The following SHANK2 variants were observed in gnomAD, a reference collection of about 807,000 sequenced individuals.
SHANK2 encodes SH3 and multiple ankyrin repeat domains protein 2.
SHANK2 carries 43 observed loss-of-function variants against 133.7 expected under a neutral mutation model. The ratio of observed to expected loss-of-function variants is 0.32; its 90% confidence interval spans 0.25 to 0.41. The LOEUF (loss-of-function observed/expected upper bound fraction) is 0.41, where lower values mean the gene tolerates loss of function less well. SHANK2 is among the 10% of genes least tolerant of loss of function. The pLI is 1.00. For synonymous variants in SHANK2, 1,017 were observed against 952.8 expected, an observed-to-expected ratio of 1.07 and a Z score of -1.24; for missense variants, 1,994 against 2,235.8, an observed-to-expected ratio of 0.89 and a Z score of 2.18.
chr11:70,654,881 C>A (rs1160479550), intron 17 of SHANK2, among the ~76,000 whole-genome samples: 3 of 151,868 alleles, frequency 2.0e-5, no homozygotes, highest in Non-Finnish European at 4.4e-5. Flanking sequence ...GATTCTCCTG[C>A]CTCAGCCTCC....
chr11:70,481,132 C>A (rs1295008748), intron 25 of SHANK2, among the ~76,000 whole-genome samples: 1 of 152,258 alleles, frequency 6.6e-6, no homozygotes, highest in Non-Finnish European at 1.5e-5. Flanking sequence ...GAACACTTTT[C>A]TTAGAACTGA....
At chr11:70,871,348 G>A (rs146798604) in intron 11 of SHANK2, among the ~76,000 whole-genome samples, 14 of 152,294 alleles carry the variant, frequency 9.2e-5, no homozygotes, top group African/African-American at 2.4e-4. Context: ...CACCAGCCCC[G>A]AAGATCACTG....
chr11:71,112,981 C>T (rs782450014), intron 5 of SHANK2, among the ~76,000 whole-genome samples: 9 of 152,246 alleles, frequency 5.9e-5, no homozygotes, highest in Non-Finnish European at 1.0e-4. Context: ...CGCTTCCCTC[C>T]ACCACGCCAG....
At chr11:70,684,456 A>G (rs1232502054) in intron 15 of SHANK2, among the ~76,000 whole-genome samples, 1 of 152,072 alleles carries the variant, frequency 6.6e-6, no homozygotes, top group African/African-American at 2.4e-5. Context: ...GCTACTTGGG[A>G]GGCTGAGGTG....
At chr11:70,628,418 T>C (rs1438509833) in intron 17 of SHANK2, among the ~76,000 whole-genome samples, 1 of 152,140 alleles carries the variant, frequency 6.6e-6, no homozygotes, top group South Asian at 2.1e-4. Context: ...CCCCCCTCTG[T>C]CCTACCCAGG....
chr11:70,824,174 C>T (rs904966853), intron 11 of SHANK2, among the ~76,000 whole-genome samples: 3 of 151,996 alleles, frequency 2.0e-5, no homozygotes, highest in Admixed American at 2.0e-4. Flanking sequence ...TGTGACCCGG[C>T]GCACCTTCCC....
chr11:70,661,852 G>C, intron 15 of SHANK2, 174 bp from the exon 16 acceptor site: 1 of 1,581,558 alleles, frequency 6.3e-7, no homozygotes, highest in Non-Finnish European at 8.6e-7. Context: ...GAAGGAAGAG[G>C]GGGGTGGCTA....
chr11:70,695,573 AGT>A (rs1555022059), intron 15 of SHANK2, among the ~76,000 whole-genome samples: 2 of 152,200 alleles, frequency 1.3e-5, no homozygotes, highest in Non-Finnish European at 2.9e-5. Flanking sequence ...GGCTTTGGGC[AGT>A]ACCATCCTCA....
chr11:71,205,970 TC>T (rs1337470178), intron 2 of SHANK2, among the ~76,000 whole-genome samples: 1 of 151,928 alleles, frequency 6.6e-6, no homozygotes, highest in Non-Finnish European at 1.5e-5. Context: ...AAAGCTCCAA[TC>T]AGGGCTGAGC....
At chr11:70,805,891 A>G (rs1043522207) in intron 13 of SHANK2, among the ~76,000 whole-genome samples, 1 of 152,228 alleles carries the variant, frequency 6.6e-6, no homozygotes, top group African/African-American at 2.4e-5. Context: ...AAGAAAAATG[A>G]CTGAAAAAAA....
intron 3 of SHANK2, among the ~76,000 whole-genome samples, chr11:71,123,120 C>T (rs575101760): frequency 4.6e-5 from 7 of 152,288 alleles, no homozygotes; most frequent in Middle Eastern, 3.4e-3. Flanking sequence ...AAGCCCACGA[C>T]GTCAGAAGAC....
chr11:70,549,577 G>A (rs1554977311), intron 17 of SHANK2, among the ~76,000 whole-genome samples: 1 of 152,156 alleles, frequency 6.6e-6, no homozygotes, highest in Non-Finnish European at 1.5e-5. Context: ...GGCGGGGGCC[G>A]TGGCTCCCCT....
intron 11 of SHANK2, among the ~76,000 whole-genome samples, chr11:70,844,045 T>C (rs1473616303): frequency 6.6e-6 from 1 of 152,082 alleles, no homozygotes; most frequent in Non-Finnish European, 1.5e-5. Context: ...CCATCCCCTG[T>C]CCCATCTGAG....
chr11:71,200,864 A>ACACACACT (rs1491041136), intron 2 of SHANK2, among the ~76,000 whole-genome samples: 2 of 149,250 alleles, frequency 1.3e-5, no homozygotes, highest in African/African-American at 5.0e-5. Context: ...ACACACACAC[A>ACACACACT]CTTCAGATCT....
chr11:70,698,341 C>T (rs1945442348), intron 15 of SHANK2: 1 of 314,538 alleles, frequency 3.2e-6, no homozygotes, highest in Non-Finnish European at 6.0e-6. Flanking sequence ...ATCCGAAATA[C>T]TCCCCCGGGG....
In SHANK2 at chr11:70,738,454, G is replaced by A. The variant is rs1021349480; in HGVS notation, c.1778-39691C>T. On this transcript the variant is annotated intron_variant, in intron 14 of 25. Transcript: ENST00000601538. The stretch of plus-strand genomic sequence containing the variant: ...CAAGGCTCCGAGCAGTACCGTGGCT[G>A]AGGCTGCACAGGAAGAGGCCGCCAT... 2.6e-5 allele frequency among the ~76,000 whole-genome samples: 4 copies of A among 152,350 alleles called. No individual in the cohort carries two copies. The East Asian group carries it at 7.7e-4, about 29-fold the overall frequency.
chr11:71,201,331 C>A (rs568676569), intron 2 of SHANK2, among the ~76,000 whole-genome samples: 1 of 152,370 alleles, frequency 6.6e-6, no homozygotes, highest in East Asian at 1.9e-4. Context: ...CCGTTGTGAT[C>A]CCGAGGACAA....
chr11:71,152,305 G>T (rs577115334), intron 2 of SHANK2, among the ~76,000 whole-genome samples: 1 of 152,232 alleles, frequency 6.6e-6, no homozygotes, highest in South Asian at 2.1e-4. Flanking sequence ...GTAGAGACGG[G>T]TTTTCACCAT....
chr11:70,558,785 G>T (rs898121781), intron 17 of SHANK2, among the ~76,000 whole-genome samples: 4 of 152,150 alleles, frequency 2.6e-5, no homozygotes, highest in Non-Finnish European at 5.9e-5. Context: ...GGCCCAGAGC[G>T]CAGGGATGAG....
Sources: gnomAD v4.1 joint callset for allele counts (sites outside exome capture counted in the v4.1 genomes callset) on GRCh38, gnomAD v4.1.1 for gene constraint, MANE v1.5 for transcripts, NCBI Gene and HGNC (gene_info 2026-07-23, HGNC 2026-07-21) for gene names.